Variants in UMAD1 observed in about 807,000 individuals in gnomAD.
The protein encoded by UMAD1 is UBAP1-MVB12-associated (UMA)-domain containing protein 1.
Under a neutral mutation model 6.1 loss-of-function variants are expected in UMAD1, and 8 were observed. That is an observed-to-expected ratio of 1.30 (90% CI 0.76 to 2.35). UMAD1 has a LOEUF of 2.35. Ranked by LOEUF, UMAD1 falls within the 30% of genes most tolerant of loss-of-function variation. The probability of loss-of-function intolerance (pLI) is 0.00; values close to 1 mark genes in which losing one functional copy is unlikely to be tolerated. For missense variants in UMAD1, 130 were observed against 78.4 expected (o/e 1.66, Z -2.49); for synonymous variants, 56 against 31.4 (o/e 1.78, Z -2.61).
intron 2 of UMAD1, among the ~76,000 whole-genome samples, chr7:7,782,153 A>C (rs956089631): frequency 1.3e-5 from 2 of 151,644 alleles, no homozygotes; most frequent in African/African-American, 4.8e-5. Flanking sequence ...TCTGTTCTCT[A>C]TTTTGCTTCT....
At chr7:7,799,347 T>C (rs572993265) in intron 2 of UMAD1, among the ~76,000 whole-genome samples, 2 of 152,378 alleles carry the variant, frequency 1.3e-5, no homozygotes, top group South Asian at 4.1e-4. Context: ...GGCATTTCAG[T>C]AAACAGTGAT....
chr7:7,713,474 C>A (rs1005597116), intron 2 of UMAD1, among the ~76,000 whole-genome samples: 31 of 152,028 alleles, frequency 2.0e-4, no homozygotes, highest in African/African-American at 6.7e-4. Context: ...GCTCCTCCCC[C>A]CCATGGCAAT....
At chr7:7,746,049 C>A (rs1215143836) in intron 2 of UMAD1, among the ~76,000 whole-genome samples, 24 of 152,180 alleles carry the variant, frequency 1.6e-4, no homozygotes, top group Admixed American at 1.6e-3. Context: ...TGGTGCCTTT[C>A]TGAAGGTCTT....
chr7:7,796,248 T>C (rs1046895586), intron 2 of UMAD1, among the ~76,000 whole-genome samples: 12 of 61,054 alleles, frequency 2.0e-4, no homozygotes, highest in Non-Finnish European at 3.7e-4. Flanking sequence ...TTCTTTCTTT[T>C]TTTTTTTTTT....
intron 3 of UMAD1, among the ~76,000 whole-genome samples, chr7:7,848,764 T>A (rs758929812): frequency 1.3e-5 from 2 of 152,128 alleles, no homozygotes; most frequent in Non-Finnish European, 2.9e-5. Flanking sequence ...AAGTCAAGTC[T>A]GCTTTTAGGA....
intron 2 of UMAD1, among the ~76,000 whole-genome samples, chr7:7,718,074 A>G (rs187197165): frequency 1.3e-4 from 20 of 152,348 alleles, no homozygotes; most frequent in African/African-American, 4.6e-4. Flanking sequence ...GTGATATACC[A>G]TTCACTTATT....
At chr7:7,812,342 C>T (rs1052918122) in intron 3 of UMAD1, among the ~76,000 whole-genome samples, 1 of 152,174 alleles carries the variant, frequency 6.6e-6, no homozygotes, top group African/African-American at 2.4e-5. Context: ...GCCAGAAACC[C>T]GCTAACCTGC....
chr7:7,678,557 T>C (rs1273701851), intron 2 of UMAD1, among the ~76,000 whole-genome samples: 3 of 138,458 alleles, frequency 2.2e-5, no homozygotes, highest in Admixed American at 1.5e-4. Context: ...AAATATATAT[T>C]TATATACTTA....
intron 2 of UMAD1, among the ~76,000 whole-genome samples, chr7:7,730,973 A>G (rs1781237890): frequency 6.6e-6 from 1 of 152,160 alleles, no homozygotes; most frequent in African/African-American, 2.4e-5. Flanking sequence ...CCTGGGGGAA[A>G]GGAGTAAAAT....
At chr7:7,825,495 A>T (rs902774190) in intron 3 of UMAD1, among the ~76,000 whole-genome samples, 1 of 152,118 alleles carries the variant, frequency 6.6e-6, no homozygotes, top group Non-Finnish European at 1.5e-5. Context: ...TCTTACATGG[A>T]TGGCAGCAGG....
chr7:7,777,308 C>T (rs534369099), intron 2 of UMAD1, among the ~76,000 whole-genome samples: 7 of 151,606 alleles, frequency 4.6e-5, no homozygotes, highest in South Asian at 2.1e-4. Context: ...AGTTCAAGAC[C>T]AGCCTGGCCA....
intron 3 of UMAD1, among the ~76,000 whole-genome samples, chr7:7,839,701 C>T (rs749558501): frequency 2.0e-5 from 3 of 152,086 alleles, no homozygotes; most frequent in South Asian, 2.1e-4. Context: ...TCTTAAGAAG[C>T]AATGCAATCT....
intron 2 of UMAD1, among the ~76,000 whole-genome samples, chr7:7,790,688 G>T (rs553521657): frequency 1.3e-5 from 2 of 152,306 alleles, no homozygotes; most frequent in South Asian, 4.1e-4. Flanking sequence ...ATAGCAAATT[G>T]TGATCCTAAT....
chr7:7,845,617 A>G (rs1783769271), intron 3 of UMAD1, among the ~76,000 whole-genome samples: 2 of 152,120 alleles, frequency 1.3e-5, no homozygotes, highest in South Asian at 2.1e-4. Flanking sequence ...GAGTCTCTCT[A>G]TACTGTAGGT....
At chr7:7,749,805 A>G (rs1341303747) in intron 2 of UMAD1, among the ~76,000 whole-genome samples, 2 of 152,196 alleles carry the variant, frequency 1.3e-5, no homozygotes, top group African/African-American at 4.8e-5. Context: ...AACGTCTAAG[A>G]TAAGAGTATT....
intron 3 of UMAD1, among the ~76,000 whole-genome samples, chr7:7,869,038 A>G (rs1784287563): frequency 6.6e-6 from 1 of 152,214 alleles, no homozygotes; most frequent in Non-Finnish European, 1.5e-5. Flanking sequence ...AAAGGAGACT[A>G]TTGCTTAGGA....
intron 2 of UMAD1, among the ~76,000 whole-genome samples, chr7:7,775,090 A>G (rs1334168076): frequency 6.6e-6 from 1 of 152,172 alleles, no homozygotes; most frequent in Non-Finnish European, 1.5e-5. Context: ...TTCACTGCCA[A>G]AATTTTCCAA....
In UMAD1 at chr7:7,837,635, AAGTT is replaced by A. The variant is rs372218186; in HGVS notation, c.156+35896_156+35899del. Reference sequence around the variant, plus strand: ...GTGGAGATTTAAAAAGGAACAAAAAAAGTTAGTCAACCCAAAAGCAGTTAAAAAA... The same window carrying A: ...GTGGAGATTTAAAAAGGAACAAAAAAAGTCAACCCAAAAGCAGTTAAAAAA... On this transcript the variant is annotated intron_variant, in intron 3 of 3. Transcript: ENST00000682710. Among the ~76,000 whole-genome samples the A allele has an allele frequency of 5.8e-4, 88 of 152,240 alleles. No homozygotes were observed. The East Asian group carries it at 0.012, about 20-fold the overall frequency.
At chr7:7,789,996 G>C (rs1331568187) in intron 2 of UMAD1, among the ~76,000 whole-genome samples, 1 of 152,132 alleles carries the variant, frequency 6.6e-6, no homozygotes, top group Non-Finnish European at 1.5e-5. Flanking sequence ...TTCTTACAGA[G>C]TTATTTATTT....
Sources: gnomAD v4.1 joint callset for allele counts (sites outside exome capture counted in the v4.1 genomes callset) on GRCh38, gnomAD v4.1.1 for gene constraint, MANE v1.5 for transcripts, NCBI Gene and HGNC (gene_info 2026-07-23, HGNC 2026-07-21) for gene names.